Variants in HACE1 observed in about 807,000 individuals in gnomAD.
The protein encoded by HACE1 is E3 ubiquitin-protein ligase HACE1.
In HACE1, 73 loss-of-function variants were observed where a neutral mutation model predicts 118.4. That is an observed-to-expected ratio of 0.62 (90% CI 0.51 to 0.75). HACE1 has a LOEUF of 0.75. Among genes scored for constraint, HACE1 ranks in the 30% least tolerant of loss-of-function variants. The probability of loss-of-function intolerance (pLI) is 0.00; values close to 1 mark genes in which losing one functional copy is unlikely to be tolerated. For synonymous variants in HACE1, 368 were observed against 374.8 expected (o/e 0.98, Z 0.21); for missense variants, 749 against 1,102.2 (o/e 0.68, Z 4.54).
chr6:104,774,192 C>T (rs1452875330), intron 17 of HACE1, among the ~76,000 whole-genome samples: 1 of 117,916 alleles, frequency 8.5e-6, no homozygotes, highest in Non-Finnish European at 1.7e-5. Flanking sequence ...CGGGTTCACG[C>T]CATTCTCCTG....
At chr6:104,736,691 AAT>A (rs1168019993) in intron 22 of HACE1, among the ~76,000 whole-genome samples, 1 of 152,228 alleles carries the variant, frequency 6.6e-6, no homozygotes, top group East Asian at 1.9e-4. Flanking sequence ...CCACAAAAAC[AAT>A]ATATTAAATT....
At chr6:104,817,850 A>G (rs552140471) in intron 6 of HACE1, among the ~76,000 whole-genome samples, 2 of 152,248 alleles carry the variant, frequency 1.3e-5, no homozygotes, top group Non-Finnish European at 2.9e-5. Flanking sequence ...ATCAAAACTT[A>G]TAAATCATCA....
At chr6:104,743,706 G>A (rs766416104) in intron 22 of HACE1, among the ~76,000 whole-genome samples, 1 of 151,986 alleles carries the variant, frequency 6.6e-6, no homozygotes, top group East Asian at 1.9e-4. Flanking sequence ...TTTAGGCCAT[G>A]AATCTTGACA....
At chr6:104,839,019 T>C (rs778755643) in intron 5 of HACE1, among the ~76,000 whole-genome samples, 2 of 151,210 alleles carry the variant, frequency 1.3e-5, no homozygotes, top group African/African-American at 2.4e-5. Flanking sequence ...TCACTGATCA[T>C]CAAAGAAATG....
intron 7 of HACE1, among the ~76,000 whole-genome samples, chr6:104,804,819 C>T (rs1770810564): frequency 6.6e-6 from 1 of 152,184 alleles, no homozygotes; most frequent in Non-Finnish European, 1.5e-5. Flanking sequence ...ATGACTAAAA[C>T]ACCAAATGCA....
chr6:104,803,448 T>C (rs13308590), intron 7 of HACE1, among the ~76,000 whole-genome samples: 2 of 152,104 alleles, frequency 1.3e-5, no homozygotes, highest in Non-Finnish European at 2.9e-5. Flanking sequence ...TGATGAACAT[T>C]GATGCAAAAA....
intron 20 of HACE1, among the ~76,000 whole-genome samples, chr6:104,744,927 C>A (rs899705871): frequency 7.2e-5 from 11 of 152,098 alleles, no homozygotes; most frequent in African/African-American, 1.7e-4. Flanking sequence ...TGAACATTAT[C>A]TTTGGTTTAC....
chr6:104,762,012 C>A (rs1779412773), intron 19 of HACE1, among the ~76,000 whole-genome samples: 1 of 152,148 alleles, frequency 6.6e-6, no homozygotes, highest in Non-Finnish European at 1.5e-5. Flanking sequence ...CTGTCTCACA[C>A]CATTTAGAAT....
rs745677925 is a variant in HACE1, at chr6:104,833,053, C to T, written c.523G>A (p.Gly175Ser). The change falls in exon 6 of 24, where the codon GGT becomes AGT. Residue 175 changes from glycine (G) to serine (S), a missense_variant. Coordinates refer to ENST00000262903, the MANE Select transcript of HACE1 (RefSeq NM_020771.4). ...ATGGCTCAACTTACCGTCTTGTGAC[C>T]GTTCTGGCAGGCAACATGCAGTGCT... ...QTALHVACQNGHKTTVQCLLD... is the reference protein window; with the variant it reads ...QTALHVACQNSHKTTVQCLLD... The T allele has an allele frequency of 3.7e-6, 6 of 1,613,376 alleles. No homozygotes were observed. Among genetic ancestry groups the T allele is most frequent in the Non-Finnish European group, 5.1e-6 (6 of 1,179,314 alleles).
intron 4 of HACE1, among the ~76,000 whole-genome samples, chr6:104,846,817 T>C (rs754068043): frequency 3.0e-4 from 45 of 152,264 alleles, no homozygotes; most frequent in Middle Eastern, 3.4e-3. Flanking sequence ...TTAGCAAACA[T>C]TGAGCACCTC....
At chr6:104,808,369 A>C (rs959854343) in intron 7 of HACE1, among the ~76,000 whole-genome samples, 1 of 152,170 alleles carries the variant, frequency 6.6e-6, no homozygotes, top group African/African-American at 2.4e-5. Flanking sequence ...TGCTTTATAG[A>C]AGCCATCACA....
chr6:104,783,271 C>T (rs1331414845), intron 14 of HACE1, among the ~76,000 whole-genome samples: 1 of 152,150 alleles, frequency 6.6e-6, no homozygotes, highest in Non-Finnish European at 1.5e-5. Context: ...GATGCCAGAG[C>T]CAGCTCTTCC....
chr6:104,811,790 T>C (rs1357795559), intron 6 of HACE1, among the ~76,000 whole-genome samples: 1 of 152,174 alleles, frequency 6.6e-6, no homozygotes, highest in Non-Finnish European at 1.5e-5. Context: ...GCTAGTGAAT[T>C]GGACCCTATT....
At chr6:104,843,319 T>A (rs182346480) in intron 4 of HACE1, 21 bp from the exon 5 acceptor site, 1 of 1,091,108 alleles carries the variant, frequency 9.2e-7, no homozygotes. Flanking sequence ...AAAAGAGTCA[T>A]GGATAACTGG....
At chr6:104,779,247 T>C (rs953553891) in intron 14 of HACE1, among the ~76,000 whole-genome samples, 4 of 152,154 alleles carry the variant, frequency 2.6e-5, no homozygotes, top group African/African-American at 9.7e-5. Context: ...ATAAATATGA[T>C]GAATACCATC....
At chr6:104,822,195 G>A (rs564625932) in intron 6 of HACE1, among the ~76,000 whole-genome samples, 343 of 119,764 alleles carry the variant, frequency 2.9e-3, no homozygotes, top group African/African-American at 0.011. Context: ...GTGAAACCCC[G>A]TCTCTACTAA....
At chr6:104,763,599 A>C (rs573979162) in intron 19 of HACE1, among the ~76,000 whole-genome samples, 42 of 152,300 alleles carry the variant, frequency 2.8e-4, no homozygotes, top group African/African-American at 1.0e-3. Context: ...TGGTTAAAAA[A>C]AAAAAAGGGG....
At chr6:104,826,970 TG>T (rs907746794) in intron 6 of HACE1, among the ~76,000 whole-genome samples, 1 of 152,200 alleles carries the variant, frequency 6.6e-6, no homozygotes, top group Admixed American at 6.5e-5. Context: ...GATTTTCATA[TG>T]GCCTTCAAGA....
At chr6:104,792,942 G>C (rs539726937) in intron 10 of HACE1, among the ~76,000 whole-genome samples, 20 of 152,066 alleles carry the variant, frequency 1.3e-4, no homozygotes, top group Non-Finnish European at 2.5e-4. Context: ...TTAGAAGCAC[G>C]GAGCTCTCTT....
Sources: gnomAD v4.1 joint callset for allele counts (sites outside exome capture counted in the v4.1 genomes callset) on GRCh38, gnomAD v4.1.1 for gene constraint, MANE v1.5 for transcripts, NCBI Gene and HGNC (gene_info 2026-07-23, HGNC 2026-07-21) for gene names.